Variants in ZBTB16 observed in about 807,000 individuals in gnomAD.
ZBTB16 encodes zinc finger and BTB domain containing 16.
ZBTB16 carries 8 observed loss-of-function variants against 56.8 expected under a neutral mutation model. The observed-to-expected ratio is 0.14, with a 90% CI of 0.08 to 0.25. The LOEUF (loss-of-function observed/expected upper bound fraction) is 0.25, where lower values mean the gene tolerates loss of function less well. Among genes scored for constraint, ZBTB16 ranks in the 10% least tolerant of loss-of-function variants. The pLI is 1.00. For missense variants in ZBTB16, 625 were observed against 903.0 expected (o/e 0.69, Z 3.95); for synonymous variants, 363 against 368.5 (o/e 0.98, Z 0.17).
intron 3 of ZBTB16, among the ~76,000 whole-genome samples, chr11:114,186,280 A>T (rs1943359110): frequency 1.3e-5 from 2 of 152,170 alleles, no homozygotes; most frequent in South Asian, 4.1e-4. Flanking sequence ...AATGGGAAGA[A>T]CACGGTTCCT....
chr11:114,142,031 G>C (rs1189387361), intron 2 of ZBTB16, among the ~76,000 whole-genome samples: 3 of 152,190 alleles, frequency 2.0e-5, no homozygotes, highest in African/African-American at 7.2e-5. Context: ...ATGATGTTAT[G>C]CTCTTGGCTT....
chr11:114,141,101 C>T (rs560217851), intron 2 of ZBTB16, among the ~76,000 whole-genome samples: 1 of 152,210 alleles, frequency 6.6e-6, no homozygotes, highest in Non-Finnish European at 1.5e-5. Flanking sequence ...CACCTGCCCA[C>T]TGTGGATAAG....
chr11:114,185,956 T>C (rs1343800574), intron 3 of ZBTB16, among the ~76,000 whole-genome samples: 1 of 152,192 alleles, frequency 6.6e-6, no homozygotes, highest in Non-Finnish European at 1.5e-5. Context: ...TAGTAATAGG[T>C]TTCCAGTGTG....
At chr11:114,224,541 A>C (rs1944293990) in intron 4 of ZBTB16, among the ~76,000 whole-genome samples, 1 of 152,040 alleles carries the variant, frequency 6.6e-6, no homozygotes, top group Admixed American at 6.6e-5. Context: ...GAAGAGAGAG[A>C]CCCACTGGAT....
chr11:114,250,231 G>C lies in ZBTB16; in HGVS notation c.1793-95G>C, dbSNP rs187774659. ...TCTGTTGGAGCAAGCCCAGCTGGAG[G>C]AACCCAGCTTCCCTGGCACGCCTGA... On this transcript the variant is annotated intron_variant, in intron 6 of 6. Transcript: ENST00000335953. The surrounding 1 kb of genome is among the most constrained non-coding windows in gnomAD (Gnocchi z 6.0). The C allele has an allele frequency of 7.1e-7, 1 of 1,411,902 alleles. No individual in the cohort carries two copies. The highest frequency in any genetic ancestry group is 1.7e-5 in the Admixed American group (1 of 59,490). 87.5% of individuals were successfully genotyped at this position (1,411,902 alleles called of 1,614,324 possible). A position where few individuals can be genotyped will look rare whatever the true frequency, so the allele number is the denominator to read the frequency against.
Position 114,064,538 on chromosome 11 carries a change from T to C in ZBTB16, c.1238T>C (p.Leu413Pro). 1 of 1,613,972 alleles carries C rather than the reference T, an allele frequency of 6.2e-7. No individual in the cohort carries two copies. The highest frequency in any genetic ancestry group is 8.5e-7 in the Non-Finnish European group (1 of 1,180,012). ...CAGTGCAGCGTGTGTGGGGTCGAGC[T>C]TCCTGATAACGAGGCTGTGGAGCAG... ...GEQCSVCGVE[L>P]PDNEAVEQHR... Residue 413 changes from leucine (L) to proline (P), a missense_variant, in exon 2 of 7, where the codon CTT becomes CCT. Physicochemically the swap from Leu to Pro is moderately conservative, Grantham distance 98. Coordinates refer to ENST00000335953, the MANE Select transcript of ZBTB16 (RefSeq NM_006006.6). The surrounding 1 kb of genome is among the most constrained non-coding windows in gnomAD (Gnocchi z 4.2).
chr11:114,227,198 A>G (rs1468807698), intron 4 of ZBTB16, among the ~76,000 whole-genome samples: 3 of 152,138 alleles, frequency 2.0e-5, no homozygotes, highest in Non-Finnish European at 2.9e-5. Flanking sequence ...TCTGCAGGAA[A>G]GTCCTGGGGC....
chr11:114,256,032 T>TTG lies in ZBTB16; in HGVS notation c.*5478_*5479insGT, dbSNP rs1030976543. Among the ~76,000 whole-genome samples, 2 of 120,290 alleles carry TTG rather than the reference T, an allele frequency of 1.7e-5. No homozygotes were observed. Among genetic ancestry groups the TTG allele is most frequent in the African/African-American group, 2.9e-5 (1 of 35,018 alleles). The allele number at this position is 120,290 out of a possible 152,430, so 78.9% of individuals were successfully genotyped here. On this transcript the variant is annotated 3_prime_UTR_variant, in exon 7 of 7. Transcript: ENST00000335953. ...ACTTGGTTTTGTTTTGTTTTTTTTT[T>TTG]TTGTTTTTTTTGCCTTTTCTTGTGT... is the stretch of plus-strand genomic sequence containing the variant.
At chr11:114,119,609 A>T (rs879584754) in intron 2 of ZBTB16, among the ~76,000 whole-genome samples, 1 of 152,166 alleles carries the variant, frequency 6.6e-6, no homozygotes, top group African/African-American at 2.4e-5. Flanking sequence ...GGGACACTCA[A>T]GGATGGATAG....
chr11:114,079,831 GGCTTTTGATTTCCA>G (rs956982504), intron 2 of ZBTB16, among the ~76,000 whole-genome samples: 1 of 152,140 alleles, frequency 6.6e-6, no homozygotes, highest in African/African-American at 2.4e-5. Flanking sequence ...AAGGCCAAGG[GGCTTTTGATTTCCA>G]GCTACTATGG....
chr11:114,117,562 T>C (rs936673698), intron 2 of ZBTB16, among the ~76,000 whole-genome samples: 1 of 151,990 alleles, frequency 6.6e-6, no homozygotes. Context: ...AAGGAGTTGG[T>C]TGAGACTCCT....
chr11:114,205,409 CAAAAAAA>C (rs771668577), intron 4 of ZBTB16, among the ~76,000 whole-genome samples: 2 of 95,142 alleles, frequency 2.1e-5, no homozygotes, highest in African/African-American at 8.7e-5. Flanking sequence ...GACTCCGTCT[CAAAAAAA>C]AAAAAAAAAA....
chr11:114,160,777 C>T (rs1942566893), intron 3 of ZBTB16, among the ~76,000 whole-genome samples: 1 of 152,188 alleles, frequency 6.6e-6, no homozygotes, highest in African/African-American at 2.4e-5. Flanking sequence ...TTTAAACTAA[C>T]TATCAATAAC....
At chr11:114,133,546 G>A (rs760172843) in intron 2 of ZBTB16, among the ~76,000 whole-genome samples, 1 of 152,102 alleles carries the variant, frequency 6.6e-6, no homozygotes, top group Non-Finnish European at 1.5e-5. Context: ...CTTGAGCTTC[G>A]GCTGAAGCCC....
rs1945000344 is a variant in ZBTB16 at position 114,255,974 on chromosome 11, C to G, written c.*5419C>G. 6.6e-6 allele frequency among the ~76,000 whole-genome samples: 1 copy of G among 150,512 alleles called. No homozygotes were observed. The highest frequency in any genetic ancestry group is 2.4e-5 in the African/African-American group (1 of 41,044). ...GAGAATAAAGTTAATTCAGTTGTCT[C>G]TCGCTTGAAGCGTCCCACCTTTTTA... On this transcript the variant is annotated 3_prime_UTR_variant, in exon 7 of 7. Coordinates refer to ENST00000335953, the MANE Select transcript of ZBTB16 (RefSeq NM_006006.6).
chr11:114,221,937 G>A (rs1345701202), intron 4 of ZBTB16, among the ~76,000 whole-genome samples: 1 of 152,314 alleles, frequency 6.6e-6, no homozygotes, highest in East Asian at 1.9e-4. Flanking sequence ...GAGGAATAAA[G>A]GATGGGTACG....
intron 3 of ZBTB16, among the ~76,000 whole-genome samples, chr11:114,157,742 C>T (rs1188054917): frequency 1.3e-5 from 2 of 152,344 alleles, no homozygotes; most frequent in South Asian, 2.1e-4. Flanking sequence ...CTTCCTAAAG[C>T]GTCCTAACTC....
intron 2 of ZBTB16, among the ~76,000 whole-genome samples, chr11:114,092,461 T>C (rs1347024794): frequency 2.0e-5 from 3 of 152,194 alleles, no homozygotes; most frequent in African/African-American, 7.2e-5. Context: ...TCTTCTTGTG[T>C]TCTCCAGATG....
chr11:114,136,112 G>A (rs1941791259), intron 2 of ZBTB16, among the ~76,000 whole-genome samples: 1 of 152,200 alleles, frequency 6.6e-6, no homozygotes, highest in South Asian at 2.1e-4. Context: ...TAGCAGGAAT[G>A]TTGCCTGGGG....
Sources: gnomAD v4.1 joint callset for allele counts (sites outside exome capture counted in the v4.1 genomes callset) on GRCh38, gnomAD v4.1.1 for gene constraint, Gnocchi (gnomAD v3.1) non-coding constraint, MANE v1.5 for transcripts, NCBI Gene and HGNC (gene_info 2026-07-23, HGNC 2026-07-21) for gene names.